The following AMHR2 variants were observed in gnomAD, a reference collection of about 807,000 sequenced individuals.
AMHR2 encodes anti-Muellerian hormone type-2 receptor.
A neutral mutation model predicts 61.4 loss-of-function variants in AMHR2; 36 were observed. That is an observed-to-expected ratio of 0.59 (90% CI 0.45 to 0.77). The LOEUF is 0.77. Ranked by LOEUF, AMHR2 falls within the 30% of genes least tolerant of loss-of-function variation. AMHR2 has a pLI of 0.00. For synonymous variants in AMHR2, 258 were observed against 279.4 expected, an observed-to-expected ratio of 0.92 and a Z score of 0.76; for missense variants, 638 against 714.6, an observed-to-expected ratio of 0.89 and a Z score of 1.22.
rs1192512969 is a variant in AMHR2, at chr12:53,429,998, T to G, written c.1288+20T>G. 6.2e-7 allele frequency: 1 copy of G among 1,614,094 alleles called. No homozygotes were observed. The highest frequency in any genetic ancestry group is 1.7e-5 in the Admixed American group (1 of 60,008). ...GGCCTGGTAAGGATGGGTGGTACAG[T>G]CCCCTCTCCTGGGCTCCCCCCCGCC... On this transcript the variant is annotated intron_variant, in intron 9 of 10. Transcript: ENST00000257863.
rs1487149258 is a variant in AMHR2 at position 53,424,324 on chromosome 12, C to T, written c.86C>T (p.Ala29Val). 4.3e-6 allele frequency: 7 copies of T among 1,612,872 alleles called. No individual in the cohort carries two copies. Reference sequence around the variant, plus strand: ...AGGCGAACCTGTGTGTTCTTTGAGGCCCCTGGAGTGCGGGGAAGCACAAAG... The same window carrying T: ...AGGCGAACCTGTGTGTTCTTTGAGGTCCCTGGAGTGCGGGGAAGCACAAAG... ...PNRRTCVFFE[A>V]PGVRGSTKTL... The change falls in exon 2 of 11, where the codon GCC (alanine) becomes GTC (valine). Residue 29 changes from alanine to valine, a missense_variant. Transcript: ENST00000257863.
rs1565839762 is a variant in AMHR2 at position 53,429,973 on chromosome 12, G to A, written c.1283G>A (p.Arg428Lys). 6.2e-7 allele frequency: 1 copy of A among 1,614,174 alleles called. No homozygotes were observed. Among genetic ancestry groups the A allele is most frequent in the South Asian group, 1.1e-5 (1 of 91,084 alleles). Residue 428 changes from arginine to lysine, a missense_variant, in exon 9 of 11, where the codon AGG becomes AAG. Coordinates refer to ENST00000257863, the MANE Select transcript of AMHR2 (RefSeq NM_020547.3). ...WEILSRCPDL[R>K]PDSSPPPFQL... ...ATACTGAGCCGCTGCCCAGATTTGA[G>A]GCCTGGTAAGGATGGGTGGTACAGT...
intron 7 of AMHR2, 82 bp from the exon 8 acceptor site, chr12:53,429,371 G>A (rs561088081): frequency 1.4e-5 from 21 of 1,459,674 alleles, no homozygotes; most frequent in South Asian, 8.0e-5. Context: ...CAGCCTGGGC[G>A]ACAGAGCGAG....
chr12:53,430,925 T>G, intron 10 of AMHR2: 1 of 574,396 alleles, frequency 1.7e-6, no homozygotes, highest in East Asian at 2.9e-5. Context: ...CCCATTAGCA[T>G]ATTAAGCTGT....
In AMHR2 at chr12:53,429,573, A is replaced by C. The variant is rs1173985385; in HGVS notation, c.1088A>C (p.Gln363Pro). Residue 363 changes from glutamine (Q) to proline (P), a missense_variant, in exon 8 of 11, where the codon CAG becomes CCG. Physicochemically the swap from Gln to Pro is moderately conservative, Grantham distance 76 (BLOSUM62 -1). Transcript: ENST00000257863. ...GCCTTGGTGCTCCCTGGCCTCACTCAGCCCCCTGCCTGGACCCCTACTCAA... is the reference window on the plus strand; with the variant it reads ...GCCTTGGTGCTCCCTGGCCTCACTCCGCCCCCTGCCTGGACCCCTACTCAA... ...GLALVLPGLT[Q>P]PPAWTPTQPQ... 4 of 1,614,032 alleles carry C rather than the reference A, an allele frequency of 2.5e-6. No individual in the cohort carries two copies. Among genetic ancestry groups the C allele is most frequent in the Admixed American group, 1.7e-5 (1 of 59,994 alleles).
chr12:53,430,747 C>A (rs1464642923), intron 10 of AMHR2: 1 of 348,152 alleles, frequency 2.9e-6, no homozygotes, highest in Non-Finnish European at 5.4e-6. Flanking sequence ...AAGGTGAAAG[C>A]AGTGGCGTCA....
At chr12:53,424,615 A>T in intron 2 of AMHR2, 94 bp from the exon 3 acceptor site, 1 of 1,530,646 alleles carries the variant, frequency 6.5e-7, no homozygotes, top group East Asian at 2.3e-5. Flanking sequence ...GACGCCTCTG[A>T]TAGAGAAGGG....
intron 10 of AMHR2, chr12:53,430,975 C>G: frequency 6.1e-6 from 4 of 656,400 alleles, no homozygotes; most frequent in Non-Finnish European, 1.1e-5. Flanking sequence ...GTGGGCTATA[C>G]AGAAGGCCCC....
chr12:53,424,947 T>A, intron 3 of AMHR2, 47 bp downstream of exon 3: 1 of 1,587,528 alleles, frequency 6.3e-7, no homozygotes. Context: ...GGGGCCCAGG[T>A]TAGGATGAGA....
chr12:53,429,722 G>A, intron 8 of AMHR2, 97 bp downstream of exon 8: 1 of 1,599,072 alleles, frequency 6.3e-7, no homozygotes, highest in Non-Finnish European at 8.5e-7. Flanking sequence ...AATACCTATA[G>A]CATTTGGGAC....
rs1939503442 is a variant in AMHR2 at position 53,425,581 on chromosome 12, A to G, written c.621+8A>G. 6.2e-7 allele frequency: 1 copy of G among 1,613,234 alleles called. No homozygotes were observed. Among genetic ancestry groups the G allele is most frequent in the African/African-American group, 1.3e-5 (1 of 74,902 alleles). On this transcript the variant is annotated splice_region_variant and intron_variant, in intron 5 of 10. Transcript: ENST00000257863. ...GAGCTGTGTTTCTCCCAGGTGCCCCAGGGAGGGAGAGAAGGGCTCCTCTGG... is the reference window on the plus strand; with the variant it reads ...GAGCTGTGTTTCTCCCAGGTGCCCCGGGGAGGGAGAGAAGGGCTCCTCTGG...
In AMHR2 at chr12:53,425,760, C is replaced by G. The variant is rs746584163; in HGVS notation, c.693C>G (p.Ala231=). 1.2e-6 allele frequency: 2 copies of G among 1,614,030 alleles called. No homozygotes were observed. The highest frequency in any genetic ancestry group is 2.7e-5 in the African/African-American group (2 of 74,910). The change falls in exon 6 of 11, where the codon GCC becomes GCG. Residue 231 remains alanine (A), a synonymous_variant. Coordinates refer to ENST00000257863, the MANE Select transcript of AMHR2 (RefSeq NM_020547.3). ...QLQGKLVAIK[A]FPPRSVAQFQ... ...AAGGAAAACTGGTTGCCATCAAGGCCTTCCCACCGAGGTCTGTGGCTCAGT... is the reference window on the plus strand; with the variant it reads ...AAGGAAAACTGGTTGCCATCAAGGCGTTCCCACCGAGGTCTGTGGCTCAGT...
Position 53,431,314 on chromosome 12 carries a change from T to C in AMHR2, c.1563T>C (p.Cys521=). 1 of 1,614,192 alleles carries C rather than the reference T, an allele frequency of 6.2e-7. No homozygotes were observed. Among genetic ancestry groups the C allele is most frequent in the Non-Finnish European group, 8.5e-7 (1 of 1,180,038 alleles). ...AGAGCCACCCCTTTCCAGAGAGCTG[T>C]CCACGTGGCTGCCCACCTCTCTGCC... ...PQESHPFPES[C]PRGCPPLCPE... The change falls in exon 11 of 11, where the codon TGT becomes TGC. Residue 521 remains cysteine (C), a synonymous_variant. Transcript: ENST00000257863.
chr12:53,424,027 C>A (rs771838198), intron 1 of AMHR2, 44 bp downstream of exon 1: 27 of 1,609,242 alleles, frequency 1.7e-5, no homozygotes, highest in Non-Finnish European at 2.2e-5. Flanking sequence ...ATCCATCCAG[C>A]AAGGGAAAGG....
Position 53,424,270 on chromosome 12 carries a change from C to T in AMHR2, c.50-18C>T, listed in dbSNP as rs1939330061. The T allele has an allele frequency of 6.2e-7, 1 of 1,612,062 alleles. No individual in the cohort carries two copies. Among genetic ancestry groups the T allele is most frequent in the Non-Finnish European group, 8.5e-7 (1 of 1,179,952 alleles). ...ACTCCCACCTTGAATCTTTTCCTTTCCCCACCCTGGGCCTCAGCACCCCCA... is the reference window on the plus strand; with the variant it reads ...ACTCCCACCTTGAATCTTTTCCTTTTCCCACCCTGGGCCTCAGCACCCCCA... On this transcript the variant is annotated intron_variant, in intron 1 of 10. Coordinates refer to ENST00000257863, the MANE Select transcript of AMHR2 (RefSeq NM_020547.3).
intron 6 of AMHR2, among the ~76,000 whole-genome samples, chr12:53,427,931 A>G (rs572841733): frequency 5.2e-4 from 79 of 152,184 alleles, no homozygotes; most frequent in Admixed American, 3.5e-3. Context: ...ACTTTGCCCT[A>G]TTGTAAGTAG....
In AMHR2 at chr12:53,428,927, C is replaced by G; in HGVS notation, c.884C>G (p.Thr295Ser). Residue 295 changes from threonine (T) to serine (S), a missense_variant, in exon 7 of 11, where the codon ACC becomes AGC. Transcript: ENST00000257863. ...CTGTGCCACTACTTGACCCAGTACA[C>G]CAGTGACTGGGGAAGTTCCCTGCGG... ...GSLCHYLTQY[T>S]SDWGSSLRMA... is the part of the protein sequence containing the mutation. The G allele has an allele frequency of 6.4e-7, 1 of 1,551,694 alleles. No individual in the cohort carries two copies. Among genetic ancestry groups the G allele is most frequent in the Non-Finnish European group, 8.7e-7 (1 of 1,147,030 alleles).
At chr12:53,424,557 A>G in intron 2 of AMHR2, 87 bp downstream of exon 2, 1 of 1,563,808 alleles carries the variant, frequency 6.4e-7, no homozygotes, top group Non-Finnish European at 8.7e-7. Flanking sequence ...GGGGAAGGGG[A>G]GAAATAGAAC....
In AMHR2 at chr12:53,429,283, T is replaced by G. The variant is rs76047243; in HGVS notation, c.968-170T>G. Among the ~76,000 whole-genome samples, 24 of 151,464 alleles carry G rather than the reference T, an allele frequency of 1.6e-4. 1 individual carries two copies. In the East Asian group the frequency reaches 4.7e-3, roughly 29 times the overall value. On this transcript the variant is annotated intron_variant, in intron 7 of 10. Coordinates refer to ENST00000257863, the MANE Select transcript of AMHR2 (RefSeq NM_020547.3). Reference sequence around the variant, plus strand: ...GGCATGTGCCTGTAGTCCCAGCTACTCGGGAGGCTGAGGCAGGAGAATCAC... The same window carrying G: ...GGCATGTGCCTGTAGTCCCAGCTACGCGGGAGGCTGAGGCAGGAGAATCAC...
Sources: allele counts gnomAD v4.1 joint callset (sites outside exome capture counted in the v4.1 genomes callset), GRCh38; gene constraint gnomAD v4.1.1; transcripts MANE v1.5; gene names NCBI Gene and HGNC (gene_info 2026-07-23, HGNC 2026-07-21).